ZNF714: variants seen among roughly 807,000 people sequenced by gnomAD.
The protein encoded by ZNF714 is zinc finger protein 714.
Under a neutral mutation model 46.2 loss-of-function variants are expected in ZNF714, and 32 were observed. That is an observed-to-expected ratio of 0.69 (90% CI 0.52 to 0.93). The LOEUF (loss-of-function observed/expected upper bound fraction) is 0.93. Ranked by LOEUF, ZNF714 falls within the 40% of genes least tolerant of loss-of-function variation. The pLI is 0.00. For synonymous variants in ZNF714, 199 were observed against 213.1 expected, an observed-to-expected ratio of 0.93 and a Z score of 0.58; for missense variants, 635 against 646.3, an observed-to-expected ratio of 0.98 and a Z score of 0.19.
chr19:21,110,744 A>G (rs1463228445), intron 4 of ZNF714, among the ~76,000 whole-genome samples: 1 of 152,156 alleles, frequency 6.6e-6, no homozygotes, highest in Non-Finnish European at 1.5e-5. Flanking sequence ...TTTTCAATTC[A>G]TCTTGAGTTA....
chr19:21,117,312 T>C lies in ZNF714; in HGVS notation c.648T>C (p.Leu216=). The change falls in exon 5 of 5, where the codon CTT becomes CTC. Residue 216 remains leucine (L), a synonymous_variant. Coordinates refer to ENST00000456283, the MANE Select transcript of ZNF714 (RefSeq NM_182515.4). ...CGKAFKHSST[L]TTHKMIHTGE... is the part of the protein sequence containing the mutation. ...AAGCTTTTAAGCACTCCTCAACCCT[T>C]ACTACACATAAGATGATTCATACTG... The C allele has an allele frequency of 1.9e-6, 3 of 1,612,110 alleles. No individual in the cohort carries two copies. Among genetic ancestry groups the C allele is most frequent in the Non-Finnish European group, 2.5e-6 (3 of 1,178,566 alleles).
In ZNF714 at chr19:21,117,356, G is replaced by A; in HGVS notation, c.692G>A (p.Cys231Tyr). 6.2e-7 allele frequency: 1 copy of A among 1,613,104 alleles called. No homozygotes were observed. Among genetic ancestry groups the A allele is most frequent in the Middle Eastern group, 1.7e-4 (1 of 6,048 alleles). ...CATACTGGAGAGAAACCCTACAGAT[G>A]TGAAGAATGTGGCAAAGCCTTCTAC... ...MIHTGEKPYR[C>Y]EECGKAFYHS... The change falls in exon 5 of 5, where the codon TGT (cysteine) becomes TAT (tyrosine). Residue 231 changes from cysteine to tyrosine, a missense_variant. Cys to Tyr is a radical substitution (Grantham distance 194). Coordinates refer to ENST00000456283, the MANE Select transcript of ZNF714 (RefSeq NM_182515.4).
intron 4 of ZNF714, among the ~76,000 whole-genome samples, chr19:21,116,100 T>G (rs8106923): frequency 6.6e-6 from 1 of 152,070 alleles, no homozygotes. Context: ...AGTTTTTATC[T>G]TGTAGCTTTC....
In ZNF714 at chr19:21,124,541, A is replaced by G. The variant is rs1413431259; in HGVS notation, c.*6209A>G. 1.3e-5 allele frequency among the ~76,000 whole-genome samples: 2 copies of G among 152,176 alleles called. No homozygotes were observed. Among genetic ancestry groups the G allele is most frequent in the Admixed American group, 6.5e-5 (1 of 15,272 alleles). ...AAAATGTGTGCTTTTTCTGTAGAACATATTTTGAAGTATATATACATTGTT... is the reference window on the plus strand; with the variant it reads ...AAAATGTGTGCTTTTTCTGTAGAACGTATTTTGAAGTATATATACATTGTT... On this transcript the variant is annotated 3_prime_UTR_variant, in exon 5 of 5. Coordinates refer to ENST00000456283, the MANE Select transcript of ZNF714 (RefSeq NM_182515.4).
chr19:21,110,503 C>G (rs1296423719), intron 4 of ZNF714, among the ~76,000 whole-genome samples: 1 of 152,112 alleles, frequency 6.6e-6, no homozygotes, highest in East Asian at 1.9e-4. Flanking sequence ...TAGCTTTTGT[C>G]AGATGGATAG....
At chr19:21,104,527 A>C (rs1156251813) in intron 4 of ZNF714, among the ~76,000 whole-genome samples, 1 of 89,104 alleles carries the variant, frequency 1.1e-5, no homozygotes, top group Non-Finnish European at 2.8e-5. Context: ...CATCATCAAC[A>C]GATTTGGTGT....
intron 2 of ZNF714, among the ~76,000 whole-genome samples, chr19:21,089,566 A>G (rs1435213627): frequency 6.6e-6 from 1 of 152,218 alleles, no homozygotes; most frequent in Non-Finnish European, 1.5e-5. Context: ...GGCCACCATT[A>G]ATGATGGTGG....
At chr19:21,101,537 T>G (rs1969180297) in intron 4 of ZNF714, among the ~76,000 whole-genome samples, 1 of 152,182 alleles carries the variant, frequency 6.6e-6, no homozygotes, top group African/African-American at 2.4e-5. Flanking sequence ...GTGAATGGGT[T>G]TGCCTTTCAC....
At chr19:21,092,000 G>C (rs190679614) in intron 2 of ZNF714, among the ~76,000 whole-genome samples, 40 of 152,200 alleles carry the variant, frequency 2.6e-4, no homozygotes, top group Admixed American at 2.2e-3. Context: ...AGAATTGCTT[G>C]GTATTAAGCT....
chr19:21,096,034 G>T (rs559814323), intron 2 of ZNF714, among the ~76,000 whole-genome samples: 56 of 152,132 alleles, frequency 3.7e-4, no homozygotes, highest in Admixed American at 2.8e-3. Flanking sequence ...TGCCACATTT[G>T]CACTAAAGGG....
intron 4 of ZNF714, among the ~76,000 whole-genome samples, chr19:21,116,575 G>A (rs527397337): frequency 3.9e-5 from 6 of 152,174 alleles, no homozygotes; most frequent in Middle Eastern, 6.8e-3. Context: ...GCATTCCTGT[G>A]TACTCATCTG....
chr19:21,115,461 A>C (rs73024655), intron 4 of ZNF714, among the ~76,000 whole-genome samples: 11,846 of 151,992 alleles, frequency 0.078, 519 homozygotes, highest in Non-Finnish European at 0.086. Flanking sequence ...GGGCATATGA[A>C]GTGCCAATAT....
chr19:21,105,565 G>A (rs1969290836), intron 4 of ZNF714, among the ~76,000 whole-genome samples: 1 of 152,022 alleles, frequency 6.6e-6, no homozygotes, highest in South Asian at 2.1e-4. Flanking sequence ...AGGAAATGGT[G>A]CCAAGACCCA....
intron 2 of ZNF714, among the ~76,000 whole-genome samples, chr19:21,096,545 T>G (rs767960229): frequency 6.6e-6 from 1 of 152,240 alleles, no homozygotes; most frequent in Non-Finnish European, 1.5e-5. Context: ...CACATACTTT[T>G]AAAAATTCTT....
At chr19:21,108,308 C>T (rs1969369063) in intron 4 of ZNF714, among the ~76,000 whole-genome samples, 1 of 152,158 alleles carries the variant, frequency 6.6e-6, no homozygotes, top group South Asian at 2.1e-4. Flanking sequence ...TGTGTTGTTT[C>T]TTGCTTTTAA....
chr19:21,086,140 A>C (rs1968773078), intron 2 of ZNF714, among the ~76,000 whole-genome samples: 1 of 152,166 alleles, frequency 6.6e-6, no homozygotes, highest in Admixed American at 6.5e-5. Flanking sequence ...CAGACTGAGA[A>C]TAGTTTAAAG....
chr19:21,105,547 C>T (rs1175466951), intron 4 of ZNF714, among the ~76,000 whole-genome samples: 2 of 151,948 alleles, frequency 1.3e-5, no homozygotes, highest in African/African-American at 2.4e-5. Context: ...CATTTAATGT[C>T]GTATCTTAGG....
chr19:21,088,133 A>T (rs930643656), intron 2 of ZNF714, among the ~76,000 whole-genome samples: 2 of 152,188 alleles, frequency 1.3e-5, no homozygotes, highest in Non-Finnish European at 2.9e-5. Context: ...GTGAACAGTG[A>T]TAGTGGCATT....
intron 4 of ZNF714, among the ~76,000 whole-genome samples, chr19:21,111,402 T>G (rs1051347407): frequency 6.6e-6 from 1 of 152,152 alleles, no homozygotes; most frequent in African/African-American, 2.4e-5. Context: ...TGCTTGTGAT[T>G]TTTGCACATT....
Sources: gnomAD v4.1 joint callset for allele counts (sites outside exome capture counted in the v4.1 genomes callset) on GRCh38, gnomAD v4.1.1 for gene constraint, MANE v1.5 for transcripts, NCBI Gene and HGNC (gene_info 2026-07-23, HGNC 2026-07-21) for gene names.